Variants in PTPRO observed in about 807,000 individuals in gnomAD.
The protein encoded by PTPRO is protein tyrosine phosphatase receptor type O.
Under a neutral mutation model 145.2 loss-of-function variants are expected in PTPRO, and 62 were observed. That is an observed-to-expected ratio of 0.43 (90% CI 0.35 to 0.53). The LOEUF (loss-of-function observed/expected upper bound fraction) is 0.53, where lower values mean the gene tolerates loss of function less well. Among genes scored for constraint, PTPRO ranks in the 20% least tolerant of loss-of-function variants. The pLI, the probability that PTPRO is intolerant of heterozygous loss-of-function variation, is 0.01. For synonymous variants in PTPRO, 565 were observed against 514.7 expected, an observed-to-expected ratio of 1.10 and a Z score of -1.32; for missense variants, 1,345 against 1,482.7, an observed-to-expected ratio of 0.91 and a Z score of 1.53.
At chr12:15,477,317 C>G (rs1941676542) in intron 1 of PTPRO, among the ~76,000 whole-genome samples, 1 of 124,428 alleles carries the variant, frequency 8.0e-6, no homozygotes, top group South Asian at 2.9e-4. Context: ...CACATGGACA[C>G]AGGAAGGGGA....
chr12:15,596,931 T>A lies in PTPRO; in HGVS notation c.*858T>A, dbSNP rs751859039. On this transcript the variant is annotated 3_prime_UTR_variant, in exon 27 of 27. Transcript: ENST00000281171. Reference sequence around the variant, plus strand: ...GTCTGAGCAATCGTGGTGCCTAGACTTTGCATTCCTTGTTCTGTTGACCTG... The same window carrying A: ...GTCTGAGCAATCGTGGTGCCTAGACATTGCATTCCTTGTTCTGTTGACCTG... The A allele has an allele frequency of 3.9e-5, 6 of 152,654 alleles. No individual in the cohort carries two copies. The highest frequency in any genetic ancestry group is 5.9e-5 in the Non-Finnish European group (4 of 68,038). The allele number at this position is 152,654 out of a possible 1,614,324, so 9.5% of individuals were successfully genotyped here. A position where few individuals can be genotyped will look rare whatever the true frequency, so the allele number is the denominator to read the frequency against.
chr12:15,355,661 A>G (rs1247877888), intron 1 of PTPRO, among the ~76,000 whole-genome samples: 1 of 152,238 alleles, frequency 6.6e-6, no homozygotes, highest in Non-Finnish European at 1.5e-5. Context: ...CCCCCAAAAT[A>G]GAGCACTTTA....
chr12:15,384,863 T>C (rs11608799), intron 1 of PTPRO, among the ~76,000 whole-genome samples: 18,952 of 152,224 alleles, frequency 0.12, 2,464 homozygotes, highest in African/African-American at 0.33. Context: ...TAAAATTTTC[T>C]GATCTTAAAA....
At chr12:15,339,716 A>G (rs1225710637) in intron 1 of PTPRO, among the ~76,000 whole-genome samples, 5 of 152,196 alleles carry the variant, frequency 3.3e-5, no homozygotes, top group South Asian at 2.1e-4. Flanking sequence ...TGTAACTGTC[A>G]GCATACTTTC....
At chr12:15,403,000 C>A (rs942279353) in intron 1 of PTPRO, among the ~76,000 whole-genome samples, 4 of 152,112 alleles carry the variant, frequency 2.6e-5, no homozygotes, top group African/African-American at 9.7e-5. Context: ...AAATCTTGAG[C>A]TTTTTAGTTT....
At chr12:15,372,841 G>A (rs924318284) in intron 1 of PTPRO, among the ~76,000 whole-genome samples, 1 of 152,118 alleles carries the variant, frequency 6.6e-6, no homozygotes, top group Non-Finnish European at 1.5e-5. Context: ...AGAATAAATA[G>A]ACTATCTTAG....
In PTPRO at chr12:15,594,952, A is replaced by G. The variant is rs140410445; in HGVS notation, c.3562A>G (p.Ile1188Val). Residue 1188 changes from isoleucine (I) to valine (V), a missense_variant, in exon 26 of 27, where the codon ATC (isoleucine) becomes GTC (valine). By Grantham distance (29) the Ile-to-Val change is conservative. Transcript: ENST00000281171. ...MVQTEEQYIF[I>V]HQCVQLMWMK... ...TTTGTTCCAGGAGCAGTACATTTTT[A>G]TCCATCAGTGTGTGCAACTGATGTG... The G allele has an allele frequency of 1.8e-5, 29 of 1,613,156 alleles. No homozygotes were observed. In the African/African-American group the frequency reaches 3.3e-4, roughly 19 times the overall value.
intron 19 of PTPRO, among the ~76,000 whole-genome samples, chr12:15,578,535 G>A (rs956104513): frequency 1.3e-5 from 2 of 152,220 alleles, no homozygotes; most frequent in Non-Finnish European, 2.9e-5. Flanking sequence ...CTGTGGGTCA[G>A]AGTCAGGTCT....
At chr12:15,567,367 C>T (rs572403130) in intron 18 of PTPRO, among the ~76,000 whole-genome samples, 5 of 152,056 alleles carry the variant, frequency 3.3e-5, no homozygotes, top group African/African-American at 1.2e-4. Context: ...TCCATCCTTC[C>T]TTTCCATCAC....
intron 19 of PTPRO, among the ~76,000 whole-genome samples, chr12:15,577,229 T>C (rs541620168): frequency 6.6e-6 from 1 of 152,348 alleles, no homozygotes; most frequent in African/African-American, 2.4e-5. Flanking sequence ...TATTGTCATC[T>C]TGAAAAGCCA....
chr12:15,519,654 T>A (rs1343050194), intron 9 of PTPRO, among the ~76,000 whole-genome samples: 1 of 152,180 alleles, frequency 6.6e-6, no homozygotes, highest in Non-Finnish European at 1.5e-5. Flanking sequence ...CATCTACAGA[T>A]CAATTAAATA....
At chr12:15,468,046 AC>A (rs1941456637) in intron 1 of PTPRO, among the ~76,000 whole-genome samples, 1 of 151,860 alleles carries the variant, frequency 6.6e-6, no homozygotes, top group South Asian at 2.1e-4. Flanking sequence ...CTCATCTTAT[AC>A]CCTTTTTTTA....
At chr12:15,487,147 A>G (rs1941905403) in intron 2 of PTPRO, among the ~76,000 whole-genome samples, 1 of 152,132 alleles carries the variant, frequency 6.6e-6, no homozygotes, top group South Asian at 2.1e-4. Context: ...TGGTGGGGAC[A>G]GAGGATGTTC....
intron 1 of PTPRO, among the ~76,000 whole-genome samples, chr12:15,394,572 A>T (rs1939284227): frequency 6.6e-6 from 1 of 152,182 alleles, no homozygotes; most frequent in Admixed American, 6.5e-5. Flanking sequence ...TAGTGTTATG[A>T]GGGGACTAAT....
chr12:15,551,352 C>G lies in PTPRO; in HGVS notation c.2438-199C>G, dbSNP rs7299522. Among the ~76,000 whole-genome samples, 1,683 of 152,250 alleles carry G rather than the reference C, an allele frequency of 0.011. 29 individuals are homozygous for G. The highest frequency in any genetic ancestry group is 0.038 in the African/African-American group (1,569 of 41,540). ...AGGGACTCAATTCTTCCAGACACCT[C>G]AATACCACTTATCAGTCTAGTTTGC... is the stretch of plus-strand genomic sequence containing the variant. On this transcript the variant is annotated intron_variant, in intron 14 of 26. Transcript: ENST00000281171.
chr12:15,524,528 A>G (rs1591685232), intron 10 of PTPRO, among the ~76,000 whole-genome samples: 1 of 152,172 alleles, frequency 6.6e-6, no homozygotes, highest in East Asian at 1.9e-4. Context: ...CTTTTTAGGA[A>G]TTTTGTAATG....
At chr12:15,434,787 G>GGGAT (rs776856140) in intron 1 of PTPRO, among the ~76,000 whole-genome samples, 47 of 152,128 alleles carry the variant, frequency 3.1e-4, no homozygotes, top group Non-Finnish European at 5.9e-4. Context: ...TTTAGCTATA[G>GGGAT]GGATGTTCAA....
At chr12:15,355,246 T>C (rs1457668502) in intron 1 of PTPRO, among the ~76,000 whole-genome samples, 1 of 152,210 alleles carries the variant, frequency 6.6e-6, no homozygotes, top group Non-Finnish European at 1.5e-5. Context: ...CTCCCCAAAA[T>C]CTTCCCCTAC....
At chr12:15,523,870 T>G (rs901831828) in intron 10 of PTPRO, among the ~76,000 whole-genome samples, 2 of 150,594 alleles carry the variant, frequency 1.3e-5, no homozygotes, top group African/African-American at 4.9e-5. Flanking sequence ...GGCTCATGCC[T>G]CACTGCAGCC....
Sources: gnomAD v4.1 joint callset for allele counts (sites outside exome capture counted in the v4.1 genomes callset) on GRCh38, gnomAD v4.1.1 for gene constraint, MANE v1.5 for transcripts, NCBI Gene and HGNC (gene_info 2026-07-23, HGNC 2026-07-21) for gene names.